The following OTULIN variants were observed in gnomAD, a reference collection of about 807,000 sequenced individuals.
The protein encoded by OTULIN is ubiquitin thioesterase otulin.
OTULIN carries 15 observed loss-of-function variants against 39.6 expected under a neutral mutation model. The ratio of observed to expected loss-of-function variants is 0.38; its 90% confidence interval spans 0.25 to 0.58. OTULIN has a LOEUF of 0.58. OTULIN is among the 20% of genes least tolerant of loss of function. The pLI is 0.66. For missense variants in OTULIN, 319 were observed against 445.9 expected (o/e 0.72, Z 2.56); for synonymous variants, 156 against 170.3 (o/e 0.92, Z 0.65).
rs940314234 is a variant in OTULIN at position 14,695,989 on chromosome 5, G to C, written c.*2941G>C. On this transcript the variant is annotated 3_prime_UTR_variant, in exon 7 of 7. Transcript: ENST00000284274. Reference sequence around the variant, plus strand: ...CTTAAGGAGAACGGACATTGCCTTGGTATGTTTTTTTTTTTTTTTCCCTCC... The same window carrying C: ...CTTAAGGAGAACGGACATTGCCTTGCTATGTTTTTTTTTTTTTTTCCCTCC... 1 of 109,526 alleles carries C rather than the reference G, an allele frequency of 9.1e-6. No individual in the cohort carries two copies. Among genetic ancestry groups the C allele is most frequent in the Non-Finnish European group, 1.8e-5 (1 of 55,818 alleles). The allele number at this position is 109,526 out of a possible 1,614,324, so 6.8% of individuals were successfully genotyped here.
At chr5:14,666,896 A>C (rs560988193) in intron 1 of OTULIN, among the ~76,000 whole-genome samples, 1 of 152,320 alleles carries the variant, frequency 6.6e-6, no homozygotes, top group South Asian at 2.1e-4. Context: ...TCATATAAAC[A>C]AAGTTTCCAA....
At chr5:14,715,388 A>G in the OTULIN span, among the ~76,000 whole-genome samples, 1 of 151,918 alleles carries the variant, frequency 6.6e-6, no homozygotes. Context: ...GCCTCGGACT[A>G]CCAAAGTGCT....
At position 14,693,207 on chromosome 5, in the gene OTULIN, G is replaced by C. The variant is rs1736578033; in HGVS notation, c.*159G>C. The C allele has an allele frequency of 1.6e-6, 1 of 618,050 alleles. No individual in the cohort carries two copies. Among genetic ancestry groups the C allele is most frequent in the Non-Finnish European group, 2.7e-6 (1 of 364,656 alleles). The allele number at this position is 618,050 out of a possible 1,614,324, so 38.3% of individuals were successfully genotyped here. A position where few individuals can be genotyped will look rare whatever the true frequency, so the allele number is the denominator to read the frequency against. ...CAGGATGTCCTGAAGACTAGCTTTT[G>C]ATAAGAGAAATTAACCAAGTCTTTC... is the stretch of plus-strand genomic sequence containing the variant. On this transcript the variant is annotated 3_prime_UTR_variant, in exon 7 of 7. Coordinates refer to ENST00000284274, the MANE Select transcript of OTULIN (RefSeq NM_138348.6).
chr5:14,677,736 G>C (rs1309724025), intron 2 of OTULIN, among the ~76,000 whole-genome samples: 6 of 152,060 alleles, frequency 3.9e-5, no homozygotes, highest in Admixed American at 2.0e-4. Context: ...GTTAGTTTCT[G>C]GTTTATTATC....
At chr5:14,692,005 T>C (rs563612021) in intron 6 of OTULIN, among the ~76,000 whole-genome samples, 1 of 152,356 alleles carries the variant, frequency 6.6e-6, no homozygotes, top group African/African-American at 2.4e-5. Flanking sequence ...TTGATGGGTA[T>C]TTGGATTGTT....
intron 1 of OTULIN, among the ~76,000 whole-genome samples, chr5:14,667,521 C>T (rs560188043): frequency 2.8e-4 from 42 of 152,242 alleles, no homozygotes; most frequent in Admixed American, 1.8e-3. Flanking sequence ...AACAGGTGCA[C>T]GCCACCATAC....
rs551462928 is a variant in OTULIN at position 14,693,691 on chromosome 5, A to G, written c.*643A>G. On this transcript the variant is annotated 3_prime_UTR_variant, in exon 7 of 7. Transcript: ENST00000284274. ...CATCTTAATTAAGGCTATTTTAAGC[A>G]GATTGTTTTGCAACAGATTAAGAAT... The G allele has an allele frequency of 1.3e-5, 2 of 152,366 alleles. No individual in the cohort carries two copies. The highest frequency in any genetic ancestry group is 2.1e-4 in the South Asian group (1 of 4,820). 9.4% of individuals were successfully genotyped at this position (152,366 alleles called of 1,614,324 possible). A position where few individuals can be genotyped will look rare whatever the true frequency, so the allele number is the denominator to read the frequency against.
intron 6 of OTULIN, among the ~76,000 whole-genome samples, chr5:14,691,245 T>C (rs1024107741): frequency 1.8e-4 from 28 of 152,246 alleles, no homozygotes; most frequent in African/African-American, 5.1e-4. Flanking sequence ...ACTTACATAA[T>C]TGACTCTTGT....
At chr5:14,688,336 G>A (rs1467225930) in intron 5 of OTULIN, among the ~76,000 whole-genome samples, 3 of 152,060 alleles carry the variant, frequency 2.0e-5, no homozygotes, top group Non-Finnish European at 4.4e-5. Flanking sequence ...CCAGGGTGTC[G>A]GTGGAGGGTG....
At chr5:14,702,668 AGG>A (rs1398360353), downstream of OTULIN, among the ~76,000 whole-genome samples, 3 of 152,138 alleles carry the variant, frequency 2.0e-5, no homozygotes, top group Non-Finnish European at 4.4e-5. Context: ...TGGTGCCATC[AGG>A]GGCGGTGGAG....
At chr5:14,708,453 A>G in the OTULIN span, 1 of 152,196 alleles carries the variant, frequency 6.6e-6, no homozygotes, top group African/African-American at 2.4e-5. Context: ...TGAAAAATAA[A>G]TGTTTTGGGG....
chr5:14,713,415 A>C, the OTULIN span: 1 of 1,380,184 alleles, frequency 7.2e-7, no homozygotes, highest in Non-Finnish European at 1.0e-6. This position sits in a 1 kb window ranked among gnomAD's most constrained non-coding sequence, Gnocchi z 4.4. Context: ...CAGACACACA[A>C]AACATCATTC....
At chr5:14,702,464 C>T (rs1432923368), downstream of OTULIN, among the ~76,000 whole-genome samples, 2 of 152,090 alleles carry the variant, frequency 1.3e-5, no homozygotes, top group Non-Finnish European at 1.5e-5. Context: ...GGATTCCCAG[C>T]GAAGGTGGAA....
the OTULIN span, chr5:14,713,086 C>T: frequency 3.1e-5 from 32 of 1,023,522 alleles, no homozygotes; most frequent in East Asian, 1.3e-4. The surrounding 1 kb of genome is among the most constrained non-coding windows in gnomAD (Gnocchi z 4.4). Context: ...AGACCAGCGG[C>T]GTTCTCCATC....
intron 4 of OTULIN, among the ~76,000 whole-genome samples, chr5:14,683,330 C>T (rs1407209778): frequency 2.0e-5 from 3 of 151,958 alleles, no homozygotes; most frequent in Admixed American, 6.5e-5. Context: ...CATCTTAAGC[C>T]GATTTTTCAG....
At position 14,694,668 on chromosome 5, in the gene OTULIN, A is replaced by G. The variant is rs1053586654; in HGVS notation, c.*1620A>G. On this transcript the variant is annotated 3_prime_UTR_variant, in exon 7 of 7. Coordinates refer to ENST00000284274, the MANE Select transcript of OTULIN (RefSeq NM_138348.6). Reference sequence around the variant, plus strand: ...TACTTTAGCTTTCTCCCATTACCTCATCAGTAATATTCACCACATTTTGCT... The same window carrying G: ...TACTTTAGCTTTCTCCCATTACCTCGTCAGTAATATTCACCACATTTTGCT... The G allele has an allele frequency of 6.6e-6, 1 of 152,648 alleles. No individual in the cohort carries two copies. The highest frequency in any genetic ancestry group is 1.5e-5 in the Non-Finnish European group (1 of 68,040). 9.5% of individuals were successfully genotyped at this position (152,648 alleles called of 1,614,324 possible). A position where few individuals can be genotyped will look rare whatever the true frequency, so the allele number is the denominator to read the frequency against.
intron 4 of OTULIN, among the ~76,000 whole-genome samples, chr5:14,684,656 TTAGC>T (rs1736341257): frequency 6.6e-6 from 1 of 152,236 alleles, no homozygotes; most frequent in African/African-American, 2.4e-5. Context: ...GGTGGAACCT[TTAGC>T]TAGCTTTATC....
intron 1 of OTULIN, among the ~76,000 whole-genome samples, chr5:14,673,163 A>G (rs1242229341): frequency 6.6e-6 from 1 of 152,076 alleles, no homozygotes; most frequent in Non-Finnish European, 1.5e-5. Flanking sequence ...GTAATAACTG[A>G]TGGTCTCTTC....
At chr5:14,682,171 T>C (rs1280403546) in intron 4 of OTULIN, among the ~76,000 whole-genome samples, 1 of 152,250 alleles carries the variant, frequency 6.6e-6, no homozygotes, top group African/African-American at 2.4e-5. Flanking sequence ...GAAAGTCATG[T>C]GTCTGCATGT....
Sources: gnomAD v4.1 joint callset for allele counts (sites outside exome capture counted in the v4.1 genomes callset) on GRCh38, gnomAD v4.1.1 for gene constraint, Gnocchi (gnomAD v3.1) non-coding constraint, MANE v1.5 for transcripts, NCBI Gene and HGNC (gene_info 2026-07-23, HGNC 2026-07-21) for gene names.